Variants in CTNND2 observed in about 807,000 individuals in gnomAD.
CTNND2 encodes the protein catenin delta-2.
A neutral mutation model predicts 144.4 loss-of-function variants in CTNND2; 22 were observed. That is an observed-to-expected ratio of 0.15 (90% CI 0.11 to 0.22). CTNND2 has a LOEUF of 0.22. Ranked by LOEUF, CTNND2 falls within the 10% of genes least tolerant of loss-of-function variation. CTNND2 has a pLI of 1.00. For missense variants in CTNND2, 1,353 were observed against 1,618.8 expected (o/e 0.84, Z 2.82); for synonymous variants, 751 against 695.6 (o/e 1.08, Z -1.25).
chr5:11,846,305 AAACT>A (rs1259614562), intron 1 of CTNND2, among the ~76,000 whole-genome samples: 2 of 152,178 alleles, frequency 1.3e-5, no homozygotes, highest in Non-Finnish European at 2.9e-5. Flanking sequence ...AAATTTCAAC[AAACT>A]ATCAATCTTT....
Position 11,018,025 on chromosome 5 carries a change from C to T in CTNND2, c.3033G>A (p.Gln1011=), listed in dbSNP as rs1741811485. ...GGTACTGCCACATGCTGTTGAGGAC[C>T]TGAGATGCAGCCTTGACCACTTTTG... ...HSPKVVKAAS[Q]VLNSMWQYRD... Residue 1011 remains glutamine (Q), a synonymous_variant, in exon 18 of 22, where the codon CAG becomes CAA. Coordinates refer to ENST00000304623, the MANE Select transcript of CTNND2 (RefSeq NM_001332.4). The T allele has an allele frequency of 6.2e-7, 1 of 1,613,426 alleles. No individual in the cohort carries two copies. The highest frequency in any genetic ancestry group is 8.5e-7 in the Non-Finnish European group (1 of 1,179,600).
intron 2 of CTNND2, among the ~76,000 whole-genome samples, chr5:11,616,735 T>C (rs2126407721): frequency 6.6e-6 from 1 of 152,158 alleles, no homozygotes; most frequent in South Asian, 2.1e-4. Context: ...GCCTCCTGAG[T>C]AGCTGGGATT....
In CTNND2 at chr5:11,802,399, C is replaced by T. The variant is rs138659684; in HGVS notation, c.38-70127G>A. The stretch of plus-strand genomic sequence containing the variant: ...CCTGACCAACAGGGAGAAACCCCGT[C>T]CCTACTAAAAGTGCAAAATTAGCTG... On this transcript the variant is annotated intron_variant, in intron 1 of 21. Transcript: ENST00000304623. 1.1e-4 allele frequency among the ~76,000 whole-genome samples: 16 copies of T among 151,962 alleles called. No homozygotes were observed. In the East Asian group the frequency reaches 2.9e-3, roughly 28 times the overall value.
At chr5:11,427,878 A>G (rs1157367001) in intron 3 of CTNND2, among the ~76,000 whole-genome samples, 2 of 152,162 alleles carry the variant, frequency 1.3e-5, no homozygotes, top group Non-Finnish European at 2.9e-5. Context: ...TGATAAAGAC[A>G]TACTCAAGAC....
At chr5:11,697,797 G>A (rs957429929) in intron 2 of CTNND2, among the ~76,000 whole-genome samples, 8 of 152,098 alleles carry the variant, frequency 5.3e-5, no homozygotes, top group Non-Finnish European at 8.8e-5. Flanking sequence ...TCACTTAGGC[G>A]GGCAGTCAAG....
intron 3 of CTNND2, among the ~76,000 whole-genome samples, chr5:11,433,204 C>T (rs1226501381): frequency 6.7e-6 from 1 of 150,216 alleles, no homozygotes; most frequent in Non-Finnish European, 1.5e-5. Flanking sequence ...CCAGATCACG[C>T]CACTGCACTC....
At position 11,195,132 on chromosome 5, in the gene CTNND2, A is replaced by G. The variant is rs1445751005; in HGVS notation, c.1975+4316T>C. ...GAAGAAAATTTTCTGGCACTGAAGA[A>G]GGTCATGACTCTTTAAATTGAAAAT... On this transcript the variant is annotated intron_variant, in intron 11 of 21. Coordinates refer to ENST00000304623, the MANE Select transcript of CTNND2 (RefSeq NM_001332.4). 1.3e-5 allele frequency among the ~76,000 whole-genome samples: 2 copies of G among 152,226 alleles called. 1 individual carries two copies. The highest frequency in any genetic ancestry group is 4.8e-5 in the African/African-American group (2 of 41,462).
chr5:11,339,568 A>T (rs888390124), intron 9 of CTNND2, among the ~76,000 whole-genome samples: 14 of 152,184 alleles, frequency 9.2e-5, no homozygotes, highest in African/African-American at 3.1e-4. Context: ...GTGGTAATCT[A>T]TTATGGCAGC....
intron 3 of CTNND2, among the ~76,000 whole-genome samples, chr5:11,514,905 C>A (rs1772021058): frequency 6.6e-6 from 1 of 152,156 alleles, no homozygotes. Flanking sequence ...CAGGTTCAAG[C>A]AATTCTGTCT....
chr5:11,115,567 G>A (rs1753460599), intron 13 of CTNND2, among the ~76,000 whole-genome samples: 2 of 152,154 alleles, frequency 1.3e-5, no homozygotes, highest in Admixed American at 6.5e-5. Flanking sequence ...ATCTTGACTG[G>A]TCACTTGTTT....
chr5:11,561,892 A>T (rs1006011154), intron 3 of CTNND2, among the ~76,000 whole-genome samples: 1 of 152,052 alleles, frequency 6.6e-6, no homozygotes, highest in African/African-American at 2.4e-5. Context: ...AAATATTTTT[A>T]AAAATTAGCT....
chr5:11,493,555 C>A (rs1028695539), intron 3 of CTNND2, among the ~76,000 whole-genome samples: 2 of 152,116 alleles, frequency 1.3e-5, no homozygotes, highest in African/African-American at 4.8e-5. Context: ...TACATCTGAG[C>A]AAAACACAGG....
At chr5:11,054,192 C>T (rs542833070) in intron 16 of CTNND2, among the ~76,000 whole-genome samples, 37 of 152,274 alleles carry the variant, frequency 2.4e-4, no homozygotes, top group African/African-American at 8.2e-4. Context: ...CTATGAAGCA[C>T]GAGGACAATG....
At chr5:11,459,439 G>T (rs1766010581) in intron 3 of CTNND2, among the ~76,000 whole-genome samples, 1 of 152,124 alleles carries the variant, frequency 6.6e-6, no homozygotes, top group Non-Finnish European at 1.5e-5. Flanking sequence ...GAAAGGTATT[G>T]TTTTGTCTTA....
chr5:11,170,989 G>A (rs1320041905), intron 11 of CTNND2, among the ~76,000 whole-genome samples: 1 of 152,078 alleles, frequency 6.6e-6, no homozygotes, highest in African/African-American at 2.4e-5. Flanking sequence ...AGAACAGTAT[G>A]GGAAAAACCT....
chr5:11,418,204 C>T (rs112632551), intron 3 of CTNND2, among the ~76,000 whole-genome samples: 17,711 of 151,764 alleles, frequency 0.12, 2,018 homozygotes, highest in African/African-American at 0.3. Context: ...GTTGGGAGTT[C>T]GAGGCCAGCC....
At chr5:11,557,287 T>C (rs115198418) in intron 3 of CTNND2, among the ~76,000 whole-genome samples, 2,141 of 152,306 alleles carry the variant, frequency 0.014, 30 homozygotes, top group Middle Eastern at 0.037. Context: ...GTCAGACTTG[T>C]AAAACTCTGT....
At chr5:11,681,610 A>G (rs142151876) in intron 2 of CTNND2, among the ~76,000 whole-genome samples, 12 of 152,364 alleles carry the variant, frequency 7.9e-5, no homozygotes, top group African/African-American at 2.9e-4. Context: ...TGAATGCAAT[A>G]GAAAGCATAA....
chr5:11,837,635 G>A (rs530053159), intron 1 of CTNND2, among the ~76,000 whole-genome samples: 1 of 152,246 alleles, frequency 6.6e-6, no homozygotes, highest in African/African-American at 2.4e-5. Flanking sequence ...AGTATCTTTA[G>A]GAACAAGTCA....
Sources: allele counts gnomAD v4.1 joint callset (sites outside exome capture counted in the v4.1 genomes callset), GRCh38; gene constraint gnomAD v4.1.1; transcripts MANE v1.5; gene names NCBI Gene and HGNC (gene_info 2026-07-23, HGNC 2026-07-21).